Variants in DSCAM observed in about 807,000 individuals in gnomAD.
The protein encoded by DSCAM is DS cell adhesion molecule.
A neutral mutation model predicts 217.7 loss-of-function variants in DSCAM; 47 were observed. The ratio of observed to expected loss-of-function variants is 0.22; its 90% confidence interval spans 0.17 to 0.28. The LOEUF is 0.28. Ranked by LOEUF, DSCAM falls within the 10% of genes least tolerant of loss-of-function variation. The pLI is 1.00. For synonymous variants in DSCAM, 1,056 were observed against 1,015.3 expected (o/e 1.04, Z -0.76); for missense variants, 2,080 against 2,618.3 (o/e 0.79, Z 4.49).
At chr21:40,793,390 T>A (rs1421670575) in intron 1 of DSCAM, among the ~76,000 whole-genome samples, 1 of 152,222 alleles carries the variant, frequency 6.6e-6, no homozygotes, top group Admixed American at 6.5e-5. Flanking sequence ...AAAGCAACTT[T>A]CCAGGATACT....
chr21:40,846,772 C>A lies in DSCAM; in HGVS notation c.-111G>T. The A allele has an allele frequency of 2.8e-6, 1 of 358,582 alleles. No individual in the cohort carries two copies. The allele number at this position is 358,582 out of a possible 1,614,324, so 22.2% of individuals were successfully genotyped here. On this transcript the variant is annotated 5_prime_UTR_variant, in exon 1 of 33. Coordinates refer to ENST00000400454, the MANE Select transcript of DSCAM (RefSeq NM_001389.5). Reference sequence around the variant, plus strand: ...GCACCTGCCCGGGGGCCGCCGCCCGCCCGCCGCCCGCCGCCGCCGCCGCCG... The same window carrying A: ...GCACCTGCCCGGGGGCCGCCGCCCGACCGCCGCCCGCCGCCGCCGCCGCCG...
chr21:40,594,773 C>A (rs1050315298), intron 3 of DSCAM, among the ~76,000 whole-genome samples: 2 of 152,120 alleles, frequency 1.3e-5, no homozygotes, highest in African/African-American at 2.4e-5. Flanking sequence ...CTGGGTCCAG[C>A]AAATGGAACA....
At chr21:40,581,787 G>A (rs2837717) in intron 3 of DSCAM, among the ~76,000 whole-genome samples, 68,130 of 152,016 alleles carry the variant, frequency 0.45, 16,141 homozygotes, top group Admixed American at 0.55. Flanking sequence ...TCATGGCTAC[G>A]AGTTTATTCT....
At chr21:40,190,034 C>T (rs921139559) in intron 11 of DSCAM, among the ~76,000 whole-genome samples, 9 of 152,222 alleles carry the variant, frequency 5.9e-5, no homozygotes, top group Non-Finnish European at 1.2e-4. Flanking sequence ...CCATCTCCCA[C>T]AGTTGTTATA....
chr21:40,708,774 G>C lies in DSCAM; in HGVS notation c.44-3C>G. Reference sequence around the variant, plus strand: ...GGAGTGTAGGTCTTCACTGAAAACTGCAAGAAGACAACACAGGGATCCATA... The same window carrying C: ...GGAGTGTAGGTCTTCACTGAAAACTCCAAGAAGACAACACAGGGATCCATA... On this transcript the variant is annotated splice_polypyrimidine_tract_variant and splice_region_variant and intron_variant, in intron 1 of 32. Coordinates refer to ENST00000400454, the MANE Select transcript of DSCAM (RefSeq NM_001389.5). The C allele has an allele frequency of 6.5e-7, 1 of 1,535,774 alleles. No homozygotes were observed. Among genetic ancestry groups the C allele is most frequent in the Non-Finnish European group, 8.8e-7 (1 of 1,135,822 alleles).
chr21:40,303,279 G>A (rs1054344770), intron 9 of DSCAM, among the ~76,000 whole-genome samples: 1 of 152,038 alleles, frequency 6.6e-6, no homozygotes, highest in East Asian at 1.9e-4. Flanking sequence ...TTAATAGGAG[G>A]CACCTTGGGC....
At chr21:40,767,352 T>C (rs1459722648) in intron 1 of DSCAM, among the ~76,000 whole-genome samples, 1 of 152,112 alleles carries the variant, frequency 6.6e-6, no homozygotes. Flanking sequence ...AGACAGATCC[T>C]GGCAGTAACT....
intron 2 of DSCAM, among the ~76,000 whole-genome samples, chr21:40,701,390 A>G (rs1002418457): frequency 6.6e-6 from 1 of 152,112 alleles, no homozygotes. Flanking sequence ...TTAGTTTCAT[A>G]GATTTCCTCT....
At chr21:40,633,711 G>C (rs2089721235) in intron 3 of DSCAM, among the ~76,000 whole-genome samples, 1 of 152,192 alleles carries the variant, frequency 6.6e-6, no homozygotes, top group Admixed American at 6.5e-5. Context: ...GCCTCCGTCA[G>C]GACTGTAGGC....
At chr21:40,523,092 G>A (rs73902661) in intron 3 of DSCAM, among the ~76,000 whole-genome samples, 95 of 152,156 alleles carry the variant, frequency 6.2e-4, no homozygotes, top group African/African-American at 2.0e-3. Flanking sequence ...AGTAATGCTG[G>A]CAGACACCTA....
At chr21:40,090,757 C>T (rs989048412) in intron 21 of DSCAM, among the ~76,000 whole-genome samples, 1 of 152,208 alleles carries the variant, frequency 6.6e-6, no homozygotes, top group African/African-American at 2.4e-5. Context: ...GCTGACCCGC[C>T]TGAATTTCTG....
chr21:40,785,337 A>T (rs2091582922), intron 1 of DSCAM, among the ~76,000 whole-genome samples: 1 of 152,164 alleles, frequency 6.6e-6, no homozygotes, highest in Admixed American at 6.5e-5. Flanking sequence ...GAAATTATTC[A>T]ATCCATCCTT....
rs189301065 is a variant in DSCAM at position 40,757,765 on chromosome 21, T to C, written c.44-48994A>G. Among the ~76,000 whole-genome samples the C allele has an allele frequency of 4.7e-3, 722 of 152,296 alleles. 20 individuals are homozygous for C. Among genetic ancestry groups the C allele is most frequent in the Admixed American group, 0.043 (659 of 15,292 alleles). On this transcript the variant is annotated intron_variant, in intron 1 of 32. Transcript: ENST00000400454. ...CCACAGAATCATGAGAAATCATAAA[T>C]GTTTGCCACTTTGGGCCACTAAGTT...
intron 1 of DSCAM, among the ~76,000 whole-genome samples, chr21:40,799,636 A>C (rs894089819): frequency 2.0e-5 from 3 of 152,196 alleles, no homozygotes; most frequent in African/African-American, 7.2e-5. Context: ...TTTCCACCTC[A>C]TAAAGTCTTT....
At chr21:40,142,506 C>A in intron 18 of DSCAM, 52 bp downstream of exon 18, 1 of 1,602,424 alleles carries the variant, frequency 6.2e-7, no homozygotes, top group Non-Finnish European at 8.5e-7. Context: ...TCTGCAAATT[C>A]CATCATGCAT....
chr21:40,085,515 T>G, intron 23 of DSCAM, 87 bp downstream of exon 23: 5 of 1,226,632 alleles, frequency 4.1e-6, no homozygotes, highest in Non-Finnish European at 5.3e-6. Context: ...TTATAAGGGC[T>G]GATTTTAAAA....
At chr21:40,326,861 T>A (rs1455679278) in intron 8 of DSCAM, among the ~76,000 whole-genome samples, 11 of 151,618 alleles carry the variant, frequency 7.3e-5, no homozygotes, top group Non-Finnish European at 2.9e-5. Flanking sequence ...TATAATTGTA[T>A]CATGCATCTA....
At position 40,057,571 on chromosome 21, in the gene DSCAM, C is replaced by T. The variant is rs561615134; in HGVS notation, c.4920-1731G>A. The stretch of plus-strand genomic sequence containing the variant: ...AGTCAGCGGCTGCTCTATTAAATAG[C>T]GATGAACACCAAGTGCAGGCTATAC... On this transcript the variant is annotated intron_variant, in intron 28 of 32. Coordinates refer to ENST00000400454, the MANE Select transcript of DSCAM (RefSeq NM_001389.5). 5.9e-5 allele frequency among the ~76,000 whole-genome samples: 9 copies of T among 152,234 alleles called. No homozygotes were observed. The East Asian group carries it at 9.7e-4, about 16-fold the overall frequency.
chr21:40,353,762 C>T lies in DSCAM; in HGVS notation c.656-19G>A. On this transcript the variant is annotated intron_variant, in intron 4 of 32. Transcript: ENST00000400454. ...GCTGGGTCTGTAGAAGAAATAAAAA[C>T]TCTTAGAGGCAGGAATGAGGAGTTG... 1 of 1,510,378 alleles carries T rather than the reference C, an allele frequency of 6.6e-7. No individual in the cohort carries two copies. Among genetic ancestry groups the T allele is most frequent in the Non-Finnish European group, 8.8e-7 (1 of 1,138,792 alleles). 93.6% of individuals were successfully genotyped at this position (1,510,378 alleles called of 1,614,324 possible).
Sources: allele counts gnomAD v4.1 joint callset (sites outside exome capture counted in the v4.1 genomes callset), GRCh38; gene constraint gnomAD v4.1.1; transcripts MANE v1.5; gene names NCBI Gene and HGNC (gene_info 2026-07-23, HGNC 2026-07-21).